PRELID3A: variants seen among roughly 807,000 people sequenced by gnomAD.
PRELID3A encodes PRELI domain containing 3A, also known as PRELI domain containing protein 3A.
PRELID3A carries 27 observed loss-of-function variants against 23.0 expected under a neutral mutation model. The ratio of observed to expected loss-of-function variants is 1.17; its 90% CI spans 0.87 to 1.62. The LOEUF is 1.62. PRELID3A is among the 40% of genes most tolerant of loss of function. The pLI, the probability that PRELID3A is intolerant of heterozygous loss-of-function variation, is 0.00. For synonymous variants in PRELID3A, 87 were observed against 86.4 expected, an observed-to-expected ratio of 1.01 and a Z score of -0.04; for missense variants, 231 against 231.4, an observed-to-expected ratio of 1.00 and a Z score of 0.01.
Position 12,407,946 on chromosome 18 carries a change from T to A in PRELID3A, c.-30T>A. The A allele has an allele frequency of 1.5e-6, 2 of 1,291,554 alleles. No individual in the cohort carries two copies. The highest frequency in any genetic ancestry group is 3.1e-5 in the East Asian group (1 of 31,832). 80.0% of individuals were successfully genotyped at this position (1,291,554 alleles called of 1,614,324 possible). On this transcript the variant is annotated 5_prime_UTR_variant, in exon 1 of 7. Transcript: ENST00000440960. ...CGCGGCCCGAAGCACCCGGCCCGGA[T>A]CGCAGAGCCCGCGCCCTGCGCCGGC...
intron 3 of PRELID3A, 128 bp from the exon 4 acceptor site, chr18:12,426,913 T>G: frequency 1.5e-6 from 1 of 664,530 alleles, no homozygotes; most frequent in South Asian, 1.8e-5. Context: ...TGGTCGTATC[T>G]CCTATGCCTA....
intron 3 of PRELID3A, among the ~76,000 whole-genome samples, chr18:12,426,739 C>G (rs1165542843): frequency 1.3e-5 from 2 of 152,088 alleles, no homozygotes; most frequent in Non-Finnish European, 2.9e-5. Flanking sequence ...TATGGACACA[C>G]AGGCCTATTT....
chr18:12,407,932 G>A lies in PRELID3A; in HGVS notation c.-44G>A. 2 of 1,278,284 alleles carry A rather than the reference G, an allele frequency of 1.6e-6. No individual in the cohort carries two copies. The highest frequency in any genetic ancestry group is 3.2e-5 in the East Asian group (1 of 31,494). 79.2% of individuals were successfully genotyped at this position (1,278,284 alleles called of 1,614,324 possible). On this transcript the variant is annotated 5_prime_UTR_variant, in exon 1 of 7. Coordinates refer to ENST00000440960, the MANE Select transcript of PRELID3A (RefSeq NM_001142405.2). ...CGCGCCCGGAGCCGCGCGGCCCGAAGCACCCGGCCCGGATCGCAGAGCCCG... is the reference window on the plus strand; with the variant it reads ...CGCGCCCGGAGCCGCGCGGCCCGAAACACCCGGCCCGGATCGCAGAGCCCG...
chr18:12,413,205 C>T lies in PRELID3A; in HGVS notation c.32+5198C>T, dbSNP rs112780268. 6.0e-3 allele frequency among the ~76,000 whole-genome samples: 916 copies of T among 152,282 alleles called. 10 individuals carry two copies. The highest frequency in any genetic ancestry group is 0.021 in the African/African-American group (888 of 41,540). On this transcript the variant is annotated intron_variant, in intron 1 of 6. Coordinates refer to ENST00000440960, the MANE Select transcript of PRELID3A (RefSeq NM_001142405.2). ...TGAATAGAGTATTGAACTCTGAGGC[C>T]TAGCGGGGGTAATCGGTTGAGCTCA...
Position 12,407,934 on chromosome 18 carries a change from A to AC in PRELID3A, c.-39dup. On this transcript the variant is annotated 5_prime_UTR_variant, in exon 1 of 7. Transcript: ENST00000440960. ...CGCCCGGAGCCGCGCGGCCCGAAGC[A>AC]CCCGGCCCGGATCGCAGAGCCCGCG... The AC allele has an allele frequency of 7.8e-7, 1 of 1,282,220 alleles. No homozygotes were observed. The highest frequency in any genetic ancestry group is 9.8e-7 in the Non-Finnish European group (1 of 1,017,796). 79.4% of individuals were successfully genotyped at this position (1,282,220 alleles called of 1,614,324 possible).
chr18:12,426,702 G>A (rs1037874298), intron 3 of PRELID3A, among the ~76,000 whole-genome samples: 1 of 152,068 alleles, frequency 6.6e-6, no homozygotes, highest in Non-Finnish European at 1.5e-5. Context: ...GGCTGCCATG[G>A]GTAGGTGAAA....
intron 3 of PRELID3A, among the ~76,000 whole-genome samples, chr18:12,426,224 C>T (rs542451034): frequency 2.0e-5 from 3 of 150,372 alleles, no homozygotes; most frequent in Non-Finnish European, 4.4e-5. Flanking sequence ...GGTAACAGAG[C>T]GAGACTCTGT....
intron 1 of PRELID3A, among the ~76,000 whole-genome samples, chr18:12,414,349 G>A (rs2143332675): frequency 6.6e-6 from 1 of 152,344 alleles, no homozygotes; most frequent in African/African-American, 2.4e-5. Context: ...GCAATTTGGA[G>A]CCCTGCCTTG....
rs1364322029 is a variant in PRELID3A, at chr18:12,420,563, G to T, written c.201+70G>T. The T allele has an allele frequency of 3.5e-6, 5 of 1,412,252 alleles. No individual in the cohort carries two copies. The East Asian group carries it at 1.3e-4, about 37-fold the overall frequency. The allele number at this position is 1,412,252 out of a possible 1,614,324, so 87.5% of individuals were successfully genotyped here. The stretch of plus-strand genomic sequence containing the variant: ...CACTCCCGCCCCCGCCCTCTCCCGC[G>T]TCCCTCCTCCCCTCATCAGTGCCTC... On this transcript the variant is annotated intron_variant, in intron 2 of 6. Transcript: ENST00000440960.
chr18:12,420,057 G>T (rs1025188640), intron 1 of PRELID3A: 6 of 1,234,862 alleles, frequency 4.9e-6, no homozygotes, highest in Non-Finnish European at 5.3e-6. Flanking sequence ...GACCCTGATG[G>T]CACCACTGCA....
At chr18:12,419,636 A>AT (rs1228083919) in intron 1 of PRELID3A, among the ~76,000 whole-genome samples, 1 of 149,352 alleles carries the variant, frequency 6.7e-6, no homozygotes, top group Non-Finnish European at 1.5e-5. Context: ...CTCAAAAAAA[A>AT]ATTAATTAAT....
chr18:12,421,176 C>T, intron 2 of PRELID3A: 3 of 231,624 alleles, frequency 1.3e-5, no homozygotes, highest in South Asian at 7.5e-5. Flanking sequence ...CAGGGGCCTG[C>T]ACCTGCTGCC....
chr18:12,426,723 CACTT>C (rs2030392931), intron 3 of PRELID3A, among the ~76,000 whole-genome samples: 1 of 152,066 alleles, frequency 6.6e-6, no homozygotes, highest in South Asian at 2.1e-4. Context: ...AGCTTTCTCT[CACTT>C]ATATGGACAC....
chr18:12,417,428 C>T (rs948036694), intron 1 of PRELID3A, among the ~76,000 whole-genome samples: 1 of 152,208 alleles, frequency 6.6e-6, no homozygotes, highest in African/African-American at 2.4e-5. Flanking sequence ...CCCGCCTCAG[C>T]CTCCCACAGT....
chr18:12,423,023 G>A (rs541547829), intron 3 of PRELID3A, among the ~76,000 whole-genome samples: 3 of 152,304 alleles, frequency 2.0e-5, no homozygotes, highest in South Asian at 2.1e-4. Context: ...GTCATCGCAC[G>A]GTGGGCATCT....
rs372548166 is a variant in PRELID3A at position 12,427,059 on chromosome 18, G to T, written c.310G>T (p.Val104Leu). The change falls in exon 4 of 7, where the codon GTG becomes TTG. Residue 104 changes from valine to leucine, a missense_variant. Physicochemically the swap from Val to Leu is conservative, Grantham distance 32. Transcript: ENST00000440960. ...TTTTAAGATCACACTCACAAATTTG[G>T]TGTCAGTTAATGAGAGGTTGGTGTA... ...CSTNITLTNL[V>L]SVNERLVYTP... The T allele has an allele frequency of 1.2e-6, 2 of 1,612,482 alleles. No homozygotes were observed. The highest frequency in any genetic ancestry group is 1.3e-5 in the African/African-American group (1 of 74,828).
intron 1 of PRELID3A, among the ~76,000 whole-genome samples, chr18:12,414,815 T>G (rs2029895555): frequency 1.3e-5 from 2 of 151,888 alleles, no homozygotes; most frequent in South Asian, 4.2e-4. Context: ...GGAAAAGTTC[T>G]TGGAGCCACC....
Position 12,420,500 on chromosome 18 carries a change from G to A in PRELID3A, c.201+7G>A. On this transcript the variant is annotated splice_region_variant and intron_variant, in intron 2 of 6. Coordinates refer to ENST00000440960, the MANE Select transcript of PRELID3A (RefSeq NM_001142405.2). ...GCCCAGCCTCGTGAGAGCGGTGAGC[G>A]GGGCGGGGGCTGCGGCTCCGAACGC... 6.6e-7 allele frequency: 1 copy of A among 1,518,842 alleles called. No individual in the cohort carries two copies. Among genetic ancestry groups the A allele is most frequent in the Non-Finnish European group, 8.8e-7 (1 of 1,132,400 alleles). 94.1% of individuals were successfully genotyped at this position (1,518,842 alleles called of 1,614,324 possible).
chr18:12,420,213 TA>T (rs2030111541), intron 1 of PRELID3A, 111 bp from the exon 2 acceptor site: 2 of 1,450,424 alleles, frequency 1.4e-6, no homozygotes, highest in Non-Finnish European at 1.8e-6. Flanking sequence ...AGCCTTTCAT[TA>T]AAGTGAAGAG....
Sources: gnomAD v4.1 joint callset for allele counts (sites outside exome capture counted in the v4.1 genomes callset) on GRCh38, gnomAD v4.1.1 for gene constraint, MANE v1.5 for transcripts, NCBI Gene and HGNC (gene_info 2026-07-23, HGNC 2026-07-21) for gene names.